Variants in NDEL1 observed in about 807,000 individuals in gnomAD.
The protein encoded by NDEL1 is nudE neurodevelopment protein 1 like 1, also known as nuclear distribution protein nudE-like 1.
In NDEL1, 9 loss-of-function variants were observed where a neutral mutation model predicts 45.7. That is an observed-to-expected ratio of 0.20 (90% CI 0.12 to 0.34). The LOEUF is 0.34. Ranked by LOEUF, NDEL1 falls within the 10% of genes least tolerant of loss-of-function variation. The pLI is 1.00. For synonymous variants in NDEL1, 133 were observed against 158.6 expected (o/e 0.84, Z 1.21); for missense variants, 306 against 406.2 (o/e 0.75, Z 2.12).
At chr17:8,471,417 TG>T (rs1911830780), downstream of NDEL1, among the ~76,000 whole-genome samples, 1 of 152,234 alleles carries the variant, frequency 6.6e-6, no homozygotes, top group Non-Finnish European at 1.5e-5. Flanking sequence ...TGACAGTGAT[TG>T]TGAGATACAG....
chr17:8,446,954 A>T, intron 4 of NDEL1, 52 bp downstream of exon 4: 1 of 1,570,814 alleles, frequency 6.4e-7, no homozygotes, highest in East Asian at 2.4e-5. Flanking sequence ...GTAATTAGTG[A>T]TTAAAATCTT....
chr17:8,425,309 G>A (rs768096993), intron 1 of NDEL1, among the ~76,000 whole-genome samples: 1 of 152,226 alleles, frequency 6.6e-6, no homozygotes, highest in Non-Finnish European at 1.5e-5. Flanking sequence ...GAGGCCAGGC[G>A]CAGTGGCGCA....
At chr17:8,469,870 T>TTC, downstream of NDEL1, among the ~76,000 whole-genome samples, 1 of 149,832 alleles carries the variant, frequency 6.7e-6, no homozygotes, top group East Asian at 2.0e-4. Flanking sequence ...AATTTTTTTT[T>TTC]TTTTTTTTTG....
downstream of NDEL1, among the ~76,000 whole-genome samples, chr17:8,468,736 G>T (rs116175800): frequency 6.6e-6 from 1 of 152,232 alleles, no homozygotes; most frequent in African/African-American, 2.4e-5. Context: ...AACTGAAAAC[G>T]ATGTGAATCA....
intron 1 of NDEL1, among the ~76,000 whole-genome samples, chr17:8,428,876 T>G (rs553442717): frequency 4.6e-5 from 7 of 151,918 alleles, no homozygotes; most frequent in Non-Finnish European, 8.8e-5. Context: ...GGTTTCACCG[T>G]GTTAGCCAAG....
At chr17:8,455,459 G>A (rs555175170) in intron 7 of NDEL1, among the ~76,000 whole-genome samples, 37 of 152,108 alleles carry the variant, frequency 2.4e-4, no homozygotes, top group African/African-American at 7.7e-4. Context: ...AGGCTGAGGC[G>A]GGTGGATCAC....
chr17:8,469,681 G>A (rs1457659645), downstream of NDEL1, among the ~76,000 whole-genome samples: 1 of 149,578 alleles, frequency 6.7e-6, no homozygotes, highest in Non-Finnish European at 1.5e-5. Context: ...TTAGCAGTGG[G>A]GGGTTATATA....
intron 1 of NDEL1, among the ~76,000 whole-genome samples, chr17:8,417,355 A>G (rs1231059542): frequency 6.6e-6 from 1 of 152,170 alleles, no homozygotes; most frequent in Admixed American, 6.5e-5. Context: ...GGCATGAGCC[A>G]CTGTGCGCAG....
chr17:8,473,924 T>C (rs910552257), intron 3 of NDEL1, among the ~76,000 whole-genome samples: 2 of 152,246 alleles, frequency 1.3e-5, no homozygotes, highest in Admixed American at 6.5e-5. Context: ...GTGAGCTTCA[T>C]TGGCTGGTGA....
intron 7 of NDEL1, among the ~76,000 whole-genome samples, chr17:8,459,282 T>C (rs1012958462): frequency 6.6e-6 from 1 of 151,922 alleles, no homozygotes; most frequent in Non-Finnish European, 1.5e-5. Context: ...GAAGTGTGAG[T>C]GTGTGGAAAT....
intron 1 of NDEL1, among the ~76,000 whole-genome samples, chr17:8,424,388 C>T (rs149840057): frequency 6.6e-6 from 1 of 152,366 alleles, no homozygotes; most frequent in African/African-American, 2.4e-5. Flanking sequence ...CTTTGATGAA[C>T]ATCCTGTTGG....
intron 1 of NDEL1, among the ~76,000 whole-genome samples, chr17:8,438,641 G>A (rs1280792377): frequency 6.6e-6 from 1 of 151,792 alleles, no homozygotes; most frequent in Non-Finnish European, 1.5e-5. Flanking sequence ...ACAGTCTCAC[G>A]AGTAGCTGGG....
chr17:8,458,554 G>A (rs1192092009), intron 7 of NDEL1, among the ~76,000 whole-genome samples: 1 of 151,824 alleles, frequency 6.6e-6, no homozygotes, highest in Non-Finnish European at 1.5e-5. Context: ...TCTACTGTGT[G>A]TGTGTGTGTG....
chr17:8,467,988 T>A lies in NDEL1; in HGVS notation c.*965T>A, dbSNP rs1032593920. 6.5e-6 allele frequency: 1 copy of A among 152,686 alleles called. No homozygotes were observed. Among genetic ancestry groups the A allele is most frequent in the Non-Finnish European group, 1.5e-5 (1 of 68,050 alleles). 9.5% of individuals were successfully genotyped at this position (152,686 alleles called of 1,614,324 possible). Reference sequence around the variant, plus strand: ...TGTAAACATTATTGCCTGAGATATTTGTATATAACTTGGGCTTTGTAGCTT... The same window carrying A: ...TGTAAACATTATTGCCTGAGATATTAGTATATAACTTGGGCTTTGTAGCTT... On this transcript the variant is annotated 3_prime_UTR_variant, in exon 9 of 9. Transcript: ENST00000334527. This position sits in a 1 kb window ranked among gnomAD's most constrained non-coding sequence, Gnocchi z 6.3.
chr17:8,463,958 C>T (rs942885093), intron 8 of NDEL1, among the ~76,000 whole-genome samples: 1 of 152,214 alleles, frequency 6.6e-6, no homozygotes, highest in African/African-American at 2.4e-5. Context: ...TCAGGTGTGG[C>T]GTGTGCCTGC....
At chr17:8,446,684 C>A in intron 3 of NDEL1, 70 bp from the exon 4 acceptor site, 12 of 1,485,812 alleles carry the variant, frequency 8.1e-6, no homozygotes, top group Non-Finnish European at 9.2e-6. Context: ...ACCCTTTTAA[C>A]TTGAGTTACC....
intron 1 of NDEL1, among the ~76,000 whole-genome samples, chr17:8,442,689 A>ATTT (rs58152673): frequency 2.3e-5 from 3 of 130,462 alleles, no homozygotes; most frequent in Non-Finnish European, 4.9e-5. Context: ...CTTTAAAAAG[A>ATTT]TTTTTTTTTT....
chr17:8,469,145 C>CG (rs1422517165), downstream of NDEL1, among the ~76,000 whole-genome samples: 1 of 152,138 alleles, frequency 6.6e-6, no homozygotes, highest in Non-Finnish European at 1.5e-5. Flanking sequence ...CAGGGACACT[C>CG]GCGGTGGGTG....
At chr17:8,462,654 A>G (rs150211353) in intron 8 of NDEL1, 5 of 152,394 alleles carry the variant, frequency 3.3e-5, no homozygotes, top group African/African-American at 1.2e-4. Flanking sequence ...CAGCATGAGA[A>G]AAGTGCCCCA....
Sources: gnomAD v4.1 joint callset for allele counts (sites outside exome capture counted in the v4.1 genomes callset) on GRCh38, gnomAD v4.1.1 for gene constraint, Gnocchi (gnomAD v3.1) non-coding constraint, MANE v1.5 for transcripts, NCBI Gene and HGNC (gene_info 2026-07-23, HGNC 2026-07-21) for gene names.